The following KIF3B variants were observed in gnomAD, a reference collection of about 807,000 sequenced individuals.
KIF3B encodes the protein kinesin-like protein KIF3B.
KIF3B carries 38 observed loss-of-function variants against 74.3 expected under a neutral mutation model. The observed-to-expected ratio is 0.51, with a 90% CI of 0.39 to 0.67. KIF3B has a LOEUF of 0.67. Ranked by LOEUF, KIF3B falls within the 30% of genes least tolerant of loss-of-function variation. KIF3B has a pLI of 0.00. For missense variants in KIF3B, 649 were observed against 932.0 expected (o/e 0.70, Z 3.95); for synonymous variants, 326 against 342.5 (o/e 0.95, Z 0.53).
intron 1 of KIF3B, among the ~76,000 whole-genome samples, chr20:32,294,500 C>G (rs2047707647): frequency 6.6e-6 from 1 of 151,916 alleles, no homozygotes. Context: ...ACAAAGAAAG[C>G]AAAAAAATAG....
chr20:32,292,137 C>T (rs1168794729), intron 1 of KIF3B, among the ~76,000 whole-genome samples: 13 of 151,918 alleles, frequency 8.6e-5, no homozygotes, highest in African/African-American at 2.9e-4. Flanking sequence ...CAGGATCTTG[C>T]CATCTTGTCC....
At chr20:32,302,161 G>A (rs191305007) in intron 1 of KIF3B, among the ~76,000 whole-genome samples, 34 of 152,308 alleles carry the variant, frequency 2.2e-4, no homozygotes, top group Non-Finnish European at 4.1e-4. Flanking sequence ...TAAAGAAAGA[G>A]TATCAGGGCA....
At chr20:32,279,001 G>A (rs1441852194) in intron 1 of KIF3B, among the ~76,000 whole-genome samples, 1 of 143,152 alleles carries the variant, frequency 7.0e-6, no homozygotes, top group Admixed American at 7.6e-5. Context: ...TCAGCTCACT[G>A]CAACCTCCGC....
chr20:32,295,730 T>C (rs1226005590), intron 1 of KIF3B, among the ~76,000 whole-genome samples: 1 of 152,148 alleles, frequency 6.6e-6, no homozygotes, highest in Non-Finnish European at 1.5e-5. Context: ...AGTTAAAAAT[T>C]CTAGTGCTGT....
At chr20:32,295,763 C>T (rs1322872398) in intron 1 of KIF3B, among the ~76,000 whole-genome samples, 5 of 151,480 alleles carry the variant, frequency 3.3e-5, no homozygotes, top group South Asian at 2.1e-4. Flanking sequence ...AACTGTTTTA[C>T]GAAGCTTCAT....
intron 1 of KIF3B, among the ~76,000 whole-genome samples, chr20:32,282,516 C>T (rs1569185543): frequency 6.6e-6 from 1 of 152,082 alleles, no homozygotes; most frequent in African/African-American, 2.4e-5. Context: ...CCAGGTGCAA[C>T]TGATTGAAGC....
At chr20:32,283,161 T>G (rs1474672481) in intron 1 of KIF3B, among the ~76,000 whole-genome samples, 2 of 151,992 alleles carry the variant, frequency 1.3e-5, no homozygotes, top group African/African-American at 4.8e-5. Context: ...CTCAGTCTCT[T>G]GAGTGGCTGG....
chr20:32,282,010 A>G (rs943321617), intron 1 of KIF3B, among the ~76,000 whole-genome samples: 4 of 152,158 alleles, frequency 2.6e-5, no homozygotes, highest in Non-Finnish European at 5.9e-5. Flanking sequence ...CTGCTAGAGT[A>G]ATGAGTTGGG....
intron 5 of KIF3B, among the ~76,000 whole-genome samples, chr20:32,323,047 TATATA>T (rs2047880203): frequency 2.5e-5 from 2 of 80,918 alleles, no homozygotes; most frequent in Non-Finnish European, 4.1e-5. Context: ...TTTATATTTA[TATATA>T]TTTATATTTA....
chr20:32,316,709 A>G, intron 4 of KIF3B, 47 bp from the exon 5 acceptor site: 2 of 1,613,188 alleles, frequency 1.2e-6, no homozygotes, highest in Admixed American at 1.7e-5. Flanking sequence ...GGAGAACTCT[A>G]CCCTTTGGAC....
At chr20:32,308,129 G>T (rs1480548840) in intron 1 of KIF3B, among the ~76,000 whole-genome samples, 1 of 151,954 alleles carries the variant, frequency 6.6e-6, no homozygotes, top group African/African-American at 2.4e-5. Flanking sequence ...CCAGCTACTT[G>T]GGAGGCTGAG....
rs1434650564 is a variant in KIF3B, at chr20:32,277,709, G to C, written c.-122G>C. The stretch of plus-strand genomic sequence containing the variant: ...GCTGAGCCAGGGGTTCGCCGCCCCC[G>C]CCGCCGCCGCCGCCGCCGCCGCCGC... On this transcript the variant is annotated 5_prime_UTR_variant, in exon 1 of 9. Transcript: ENST00000375712. The C allele has an allele frequency of 1.6e-4, 31 of 195,514 alleles. No individual in the cohort carries two copies. Among genetic ancestry groups the C allele is most frequent in the South Asian group, 3.3e-4 (2 of 6,142 alleles). The allele number at this position is 195,514 out of a possible 1,614,324, so 12.1% of individuals were successfully genotyped here.
intron 5 of KIF3B, among the ~76,000 whole-genome samples, chr20:32,325,065 C>T (rs1330387291): frequency 7.2e-5 from 11 of 152,064 alleles, no homozygotes; most frequent in Non-Finnish European, 1.3e-4. Context: ...ATGTGTGTGT[C>T]GGTCAGTCCT....
chr20:32,328,520 C>T (rs1034119152), intron 7 of KIF3B, among the ~76,000 whole-genome samples: 30 of 150,946 alleles, frequency 2.0e-4, no homozygotes, highest in African/African-American at 6.1e-4. Context: ...GCAGGAGAAT[C>T]GCTTGAACCC....
chr20:32,319,307 T>G (rs932051152), intron 5 of KIF3B, among the ~76,000 whole-genome samples: 2 of 151,746 alleles, frequency 1.3e-5, no homozygotes, highest in Non-Finnish European at 2.9e-5. Context: ...TCTTTTATCA[T>G]AGACATCCTA....
chr20:32,300,422 C>T (rs1209973944), intron 1 of KIF3B, among the ~76,000 whole-genome samples: 2 of 152,042 alleles, frequency 1.3e-5, no homozygotes, highest in African/African-American at 2.4e-5. Flanking sequence ...GGACTGCAGT[C>T]GTCCACCACC....
chr20:32,302,694 C>T (rs944805401), intron 1 of KIF3B, among the ~76,000 whole-genome samples: 11 of 152,134 alleles, frequency 7.2e-5, no homozygotes, highest in African/African-American at 4.8e-5. Context: ...CTGGCAGGCT[C>T]GTGCACTGAA....
chr20:32,310,352 A>G lies in KIF3B; in HGVS notation c.575A>G (p.His192Arg). The change falls in exon 2 of 9, where the codon CAT becomes CGT. Residue 192 changes from histidine to arginine, a missense_variant. Transcript: ENST00000375712. This position sits in a 1 kb window ranked among gnomAD's most constrained non-coding sequence, Gnocchi z 6.5. ...FVTKSVKEIEHVMNVGNQNRS... is the reference protein window; with the variant it reads ...FVTKSVKEIERVMNVGNQNRS... ...ACCAAGAGTGTGAAGGAGATAGAGC[A>G]TGTGATGAATGTGGGGAACCAGAAC... 1.2e-6 allele frequency: 2 copies of G among 1,614,198 alleles called. No individual in the cohort carries two copies. The highest frequency in any genetic ancestry group is 2.2e-5 in the East Asian group (1 of 44,884).
chr20:32,322,714 ATATT>A (rs2047870029), intron 5 of KIF3B, among the ~76,000 whole-genome samples: 2 of 67,866 alleles, frequency 2.9e-5, no homozygotes, highest in South Asian at 4.4e-4. Flanking sequence ...ATATTTATAT[ATATT>A]TATATTTATT....
Sources: gnomAD v4.1 joint callset for allele counts (sites outside exome capture counted in the v4.1 genomes callset) on GRCh38, gnomAD v4.1.1 for gene constraint, Gnocchi (gnomAD v3.1) non-coding constraint, MANE v1.5 for transcripts, NCBI Gene and HGNC (gene_info 2026-07-23, HGNC 2026-07-21) for gene names.